HSDL2: variants seen among roughly 807,000 people sequenced by gnomAD.
The protein encoded by HSDL2 is hydroxysteroid dehydrogenase like 2, also known as hydroxysteroid dehydrogenase-like protein 2.
Under a neutral mutation model 46.3 loss-of-function variants are expected in HSDL2, and 27 were observed. The ratio of observed to expected loss-of-function variants is 0.58; its 90% CI spans 0.43 to 0.80. The LOEUF (loss-of-function observed/expected upper bound fraction) is 0.80. Among genes scored for constraint, HSDL2 ranks in the 30% least tolerant of loss-of-function variants. The pLI, the probability that HSDL2 is intolerant of heterozygous loss-of-function variation, is 0.00. For synonymous variants in HSDL2, 153 were observed against 163.6 expected, an observed-to-expected ratio of 0.94 and a Z score of 0.50; for missense variants, 451 against 502.7, an observed-to-expected ratio of 0.90 and a Z score of 0.98.
chr9:112,435,249 G>A (rs1318023325), intron 6 of HSDL2, among the ~76,000 whole-genome samples: 1 of 152,016 alleles, frequency 6.6e-6, no homozygotes, highest in Non-Finnish European at 1.5e-5. Flanking sequence ...CACACAGCAT[G>A]TATATACTTA....
rs543576926 is a variant in HSDL2 at position 112,399,616 on chromosome 9, C to T, written c.18-4379C>T. 5.3e-3 allele frequency among the ~76,000 whole-genome samples: 813 copies of T among 152,164 alleles called. 10 individuals are homozygous for T. Among genetic ancestry groups the T allele is most frequent in the African/African-American group, 0.018 (766 of 41,500 alleles). On this transcript the variant is annotated intron_variant, in intron 1 of 10. Transcript: ENST00000398805. ...ATAAGACAGACGTTCCCAGAGTGGC[C>T]GTTTATAGACCTCCCCCCAGGAATG... is the stretch of plus-strand genomic sequence containing the variant.
At chr9:112,469,896 C>T (rs1833520457) in intron 10 of HSDL2, 1 of 152,208 alleles carries the variant, frequency 6.6e-6, no homozygotes, top group African/African-American at 2.4e-5. Context: ...ATATTTATTA[C>T]ATGTTGTTAT....
At chr9:112,387,443 C>A (rs1831240862) in intron 1 of HSDL2, among the ~76,000 whole-genome samples, 1 of 152,066 alleles carries the variant, frequency 6.6e-6, no homozygotes, top group Admixed American at 6.6e-5. Context: ...TGGTCTCAAA[C>A]TCCAGGGCTA....
At chr9:112,432,072 G>A (rs1832420194) in intron 6 of HSDL2, among the ~76,000 whole-genome samples, 1 of 152,012 alleles carries the variant, frequency 6.6e-6, no homozygotes. Flanking sequence ...AGTAGTGACG[G>A]GGTTTCACCA....
chr9:112,417,811 C>T (rs1264301999), intron 5 of HSDL2, among the ~76,000 whole-genome samples: 1 of 148,150 alleles, frequency 6.7e-6, no homozygotes, highest in East Asian at 1.9e-4. Flanking sequence ...GGCATGGTGG[C>T]TCATATCTGT....
intron 3 of HSDL2, among the ~76,000 whole-genome samples, chr9:112,408,475 C>G (rs1831783842): frequency 6.6e-6 from 1 of 152,138 alleles, no homozygotes; most frequent in African/African-American, 2.4e-5. Flanking sequence ...GAAGTATAGC[C>G]ATGCATTGCT....
At chr9:112,445,137 C>T (rs1182090287) in intron 8 of HSDL2, among the ~76,000 whole-genome samples, 1 of 152,158 alleles carries the variant, frequency 6.6e-6, no homozygotes, top group African/African-American at 2.4e-5. Context: ...CCTCGGCCTC[C>T]CAAAGTGCTG....
chr9:112,430,851 G>A (rs1312351289), intron 6 of HSDL2, among the ~76,000 whole-genome samples: 1 of 151,852 alleles, frequency 6.6e-6, no homozygotes, highest in Non-Finnish European at 1.5e-5. Context: ...TCAAGAGTTC[G>A]AGACCAGCCT....
At chr9:112,382,850 A>C (rs979047157) in intron 1 of HSDL2, among the ~76,000 whole-genome samples, 1 of 152,036 alleles carries the variant, frequency 6.6e-6, no homozygotes, top group Admixed American at 6.5e-5. Context: ...GACTTTGATT[A>C]TACTGTTTAT....
chr9:112,386,808 C>T (rs572396678), intron 1 of HSDL2, among the ~76,000 whole-genome samples: 1 of 152,208 alleles, frequency 6.6e-6, no homozygotes, highest in East Asian at 1.9e-4. Flanking sequence ...TAGATTTCTA[C>T]ACGAGCAAAA....
intron 8 of HSDL2, among the ~76,000 whole-genome samples, chr9:112,448,964 T>A (rs1245190761): frequency 1.3e-5 from 2 of 151,116 alleles, no homozygotes; most frequent in South Asian, 2.1e-4. Context: ...ATAGGCTTTT[T>A]AAAAAATAAA....
Position 112,459,723 on chromosome 9 carries a change from C to T in HSDL2, c.1144+146C>T, listed in dbSNP as rs540295901. 26 of 622,654 alleles carry T rather than the reference C, an allele frequency of 4.2e-5. No individual in the cohort carries two copies. In the East Asian group the frequency reaches 7.0e-4, roughly 17 times the overall value. 38.6% of individuals were successfully genotyped at this position (622,654 alleles called of 1,614,324 possible). On this transcript the variant is annotated intron_variant, in intron 10 of 10. Coordinates refer to ENST00000398805, the MANE Select transcript of HSDL2 (RefSeq NM_032303.5). ...TTTGGGAAGGCTGTTCTTACTGTTG[C>T]CTCCATTGCCACTTCTCCCTCCTCT...
intron 1 of HSDL2, among the ~76,000 whole-genome samples, chr9:112,389,622 C>A (rs1369100590): frequency 1.3e-5 from 2 of 152,006 alleles, no homozygotes; most frequent in Admixed American, 1.3e-4. Flanking sequence ...ATTAGAAAGA[C>A]CTAAATAAAT....
chr9:112,453,197 T>G (rs1404434637), intron 8 of HSDL2, among the ~76,000 whole-genome samples: 1 of 152,122 alleles, frequency 6.6e-6, no homozygotes, highest in African/African-American at 2.4e-5. Context: ...GTGGAGTGAT[T>G]AGAAAGTACA....
chr9:112,428,894 C>T (rs1295581749), intron 6 of HSDL2, among the ~76,000 whole-genome samples: 3 of 152,078 alleles, frequency 2.0e-5, no homozygotes, highest in Admixed American at 6.6e-5. Flanking sequence ...CCTTATGTTA[C>T]TTGTCACTTT....
intron 8 of HSDL2, among the ~76,000 whole-genome samples, chr9:112,442,634 T>G (rs2132675953): frequency 6.6e-6 from 1 of 152,300 alleles, no homozygotes; most frequent in Non-Finnish European, 1.5e-5. Context: ...AAGAAACACT[T>G]TAATGAATAC....
At chr9:112,423,649 A>T (rs1488811729) in intron 6 of HSDL2, among the ~76,000 whole-genome samples, 2 of 151,828 alleles carry the variant, frequency 1.3e-5, no homozygotes, top group Non-Finnish European at 2.9e-5. Flanking sequence ...GAGCATGGGA[A>T]CATTAGGGAA....
At chr9:112,432,195 A>G (rs958178695) in intron 6 of HSDL2, among the ~76,000 whole-genome samples, 1 of 152,104 alleles carries the variant, frequency 6.6e-6, no homozygotes, top group Middle Eastern at 3.4e-3. Context: ...GTATTTCTTT[A>G]TAGTAATGCG....
chr9:112,405,341 G>A (rs1426131336), intron 2 of HSDL2, among the ~76,000 whole-genome samples: 1 of 152,112 alleles, frequency 6.6e-6, no homozygotes, highest in East Asian at 1.9e-4. Flanking sequence ...AAGAGAGTGA[G>A]ACCCTGTCTG....
Sources: allele counts gnomAD v4.1 joint callset (sites outside exome capture counted in the v4.1 genomes callset), GRCh38; gene constraint gnomAD v4.1.1; transcripts MANE v1.5; gene names NCBI Gene and HGNC (gene_info 2026-07-23, HGNC 2026-07-21).